Variants in RAPGEF5 observed in about 807,000 individuals in gnomAD.
The protein encoded by RAPGEF5 is M-Ras-regulated GEF.
Under a neutral mutation model 125.2 loss-of-function variants are expected in RAPGEF5, and 65 were observed. The ratio of observed to expected loss-of-function variants is 0.52; its 90% CI spans 0.43 to 0.64. The LOEUF (loss-of-function observed/expected upper bound fraction) is 0.64, where lower values mean the gene tolerates loss of function less well. RAPGEF5 is among the 30% of genes least tolerant of loss of function. RAPGEF5 has a pLI of 0.00. For missense variants in RAPGEF5, 958 were observed against 1,048.1 expected, an observed-to-expected ratio of 0.91 and a Z score of 1.19; for synonymous variants, 391 against 385.9, an observed-to-expected ratio of 1.01 and a Z score of -0.16.
chr7:22,322,267 C>T (rs1270822651), intron 1 of RAPGEF5, among the ~76,000 whole-genome samples: 2 of 151,806 alleles, frequency 1.3e-5, no homozygotes, highest in African/African-American at 2.4e-5. Flanking sequence ...TCCTGAGTAG[C>T]TGGGACTACA....
chr7:22,210,633 C>T (rs1282658260), intron 9 of RAPGEF5, among the ~76,000 whole-genome samples: 1 of 152,142 alleles, frequency 6.6e-6, no homozygotes, highest in East Asian at 1.9e-4. Context: ...TGAGGTGCCC[C>T]TAATCCTTTA....
chr7:22,319,310 T>G (rs1319126105), intron 1 of RAPGEF5, among the ~76,000 whole-genome samples: 1 of 152,204 alleles, frequency 6.6e-6, no homozygotes, highest in Non-Finnish European at 1.5e-5. Flanking sequence ...GTACAAAACA[T>G]GCCCTACCAG....
At chr7:22,316,399 CTA>C (rs200119874) in intron 2 of RAPGEF5, among the ~76,000 whole-genome samples, 7,277 of 135,004 alleles carry the variant, frequency 0.054, 234 homozygotes, top group East Asian at 0.11. Context: ...TGTGTATCTA[CTA>C]TATATATATA....
chr7:22,238,892 C>T (rs779530605), intron 7 of RAPGEF5, among the ~76,000 whole-genome samples: 4 of 152,164 alleles, frequency 2.6e-5, no homozygotes, highest in Non-Finnish European at 5.9e-5. Context: ...CAGTTAAGTA[C>T]ACTCAGGTCT....
At chr7:22,131,133 C>T (rs765816842) in intron 23 of RAPGEF5, 32 bp from the exon 24 acceptor site, 1 of 1,512,482 alleles carries the variant, frequency 6.6e-7, no homozygotes, top group South Asian at 1.3e-5. Context: ...ATGTATGTAT[C>T]ATTAGGAATG....
In RAPGEF5 at chr7:22,119,360, G is replaced by A. The variant is rs1054070611; in HGVS notation, c.*3046C>T. 7 of 152,268 alleles carry A rather than the reference G, an allele frequency of 4.6e-5. No homozygotes were observed. Among genetic ancestry groups the A allele is most frequent in the Admixed American group, 1.3e-4 (2 of 15,298 alleles). The allele number at this position is 152,268 out of a possible 1,614,324, so 9.4% of individuals were successfully genotyped here. A position where few individuals can be genotyped will look rare whatever the true frequency, so the allele number is the denominator to read the frequency against. ...TTTGTGGTTCTCGGTCTAGGGAAATGAATTTATTCTAAACATAATTAAGGA... is the reference window on the plus strand; with the variant it reads ...TTTGTGGTTCTCGGTCTAGGGAAATAAATTTATTCTAAACATAATTAAGGA... On this transcript the variant is annotated 3_prime_UTR_variant, in exon 26 of 26. Coordinates refer to ENST00000665637, the MANE Select transcript of RAPGEF5 (RefSeq NM_012294.5). This position sits in a 1 kb window ranked among gnomAD's most constrained non-coding sequence, Gnocchi z 4.1.
intron 5 of RAPGEF5, among the ~76,000 whole-genome samples, chr7:22,298,415 G>A (rs1783116871): frequency 6.6e-6 from 1 of 152,052 alleles, no homozygotes; most frequent in South Asian, 2.1e-4. Flanking sequence ...CTGTCCTCAC[G>A]TGATCCGCCC....
At chr7:22,338,668 C>T (rs898678365) in intron 1 of RAPGEF5, among the ~76,000 whole-genome samples, 2 of 152,158 alleles carry the variant, frequency 1.3e-5, no homozygotes, top group Non-Finnish European at 2.9e-5. Context: ...ATGTAACATG[C>T]TTTGACCAAT....
intron 23 of RAPGEF5, among the ~76,000 whole-genome samples, chr7:22,132,562 C>T (rs538330016): frequency 1.5e-4 from 23 of 152,254 alleles, no homozygotes; most frequent in African/African-American, 4.1e-4. Flanking sequence ...CAGGTTTTAC[C>T]TTTTCTGTGT....
At chr7:22,297,840 T>G (rs1031982059) in intron 5 of RAPGEF5, among the ~76,000 whole-genome samples, 1 of 152,328 alleles carries the variant, frequency 6.6e-6, no homozygotes, top group East Asian at 1.9e-4. Flanking sequence ...CTGATCTTAG[T>G]AGGCAAGCAT....
chr7:22,220,252 C>T, intron 8 of RAPGEF5: 1 of 353,012 alleles, frequency 2.8e-6, no homozygotes, highest in Non-Finnish European at 5.2e-6. Flanking sequence ...TCATTTGCTA[C>T]TAAGTGTGCG....
chr7:22,168,361 A>G lies in RAPGEF5; in HGVS notation c.1205-1213T>C, dbSNP rs548649633. 3.9e-5 allele frequency among the ~76,000 whole-genome samples: 6 copies of G among 152,302 alleles called. No homozygotes were observed. In the South Asian group the frequency reaches 1.2e-3, roughly 32 times the overall value. On this transcript the variant is annotated intron_variant, in intron 11 of 25. Transcript: ENST00000665637. ...GAACCAGGAAGCAGGTCCTCACCAG[A>G]CACTGAATCTGCTAGCACCTTGATC...
intron 1 of RAPGEF5, among the ~76,000 whole-genome samples, chr7:22,334,411 T>C (rs1157503656): frequency 6.6e-6 from 1 of 152,222 alleles, no homozygotes; most frequent in Non-Finnish European, 1.5e-5. Flanking sequence ...GAGGTCTTTA[T>C]GTATCCTCTG....
intron 7 of RAPGEF5, among the ~76,000 whole-genome samples, chr7:22,231,972 C>T (rs1037968575): frequency 5.9e-5 from 9 of 152,124 alleles, no homozygotes; most frequent in East Asian, 3.9e-4. Context: ...GAAACAAGAG[C>T]GGAAGCAGGG....
rs937220285 is a variant in RAPGEF5 at position 22,187,084 on chromosome 7, G to A, written c.1204+6283C>T. Reference sequence around the variant, plus strand: ...CCCGTTAACATTCTAACAGCTCTACGAGGCTGAAGAAATGTAGCAGTAACA... The same window carrying A: ...CCCGTTAACATTCTAACAGCTCTACAAGGCTGAAGAAATGTAGCAGTAACA... On this transcript the variant is annotated intron_variant, in intron 11 of 25. Transcript: ENST00000665637. 3.3e-5 allele frequency among the ~76,000 whole-genome samples: 5 copies of A among 152,158 alleles called. No homozygotes were observed. The South Asian group carries it at 8.3e-4, about 25-fold the overall frequency.
chr7:22,162,623 T>C (rs1784042271), intron 12 of RAPGEF5, 82 bp from the exon 13 acceptor site: 3 of 1,290,918 alleles, frequency 2.3e-6, no homozygotes, highest in Admixed American at 2.0e-5. Flanking sequence ...TTACAAAATA[T>C]GTGAAGGCAT....
chr7:22,323,298 G>GA (rs1296112946), intron 1 of RAPGEF5, among the ~76,000 whole-genome samples: 2 of 152,202 alleles, frequency 1.3e-5, no homozygotes, highest in Non-Finnish European at 2.9e-5. Flanking sequence ...AAGCTAAGTA[G>GA]AAAATGAAAG....
chr7:22,136,900 G>C, intron 22 of RAPGEF5, 33 bp downstream of exon 22: 1 of 1,513,024 alleles, frequency 6.6e-7, no homozygotes, highest in Non-Finnish European at 9.1e-7. Flanking sequence ...CAATTATTTT[G>C]AAGAATAAGT....
At chr7:22,267,450 A>C (rs1004247808) in intron 6 of RAPGEF5, among the ~76,000 whole-genome samples, 2 of 152,192 alleles carry the variant, frequency 1.3e-5, no homozygotes, top group Admixed American at 6.5e-5. Flanking sequence ...ATCCTGGTTT[A>C]ATTGGACCTC....
Sources: gnomAD v4.1 joint callset for allele counts (sites outside exome capture counted in the v4.1 genomes callset) on GRCh38, gnomAD v4.1.1 for gene constraint, Gnocchi (gnomAD v3.1) non-coding constraint, MANE v1.5 for transcripts, NCBI Gene and HGNC (gene_info 2026-07-23, HGNC 2026-07-21) for gene names.